The following FAT3 variants were observed in gnomAD, a reference collection of about 807,000 sequenced individuals.
The protein encoded by FAT3 is FAT atypical cadherin 3.
A neutral mutation model predicts 310.2 loss-of-function variants in FAT3; 95 were observed. The ratio of observed to expected loss-of-function variants is 0.31; its 90% CI spans 0.26 to 0.36. The LOEUF is 0.36. Ranked by LOEUF, FAT3 falls within the 10% of genes least tolerant of loss-of-function variation. The pLI is 1.00. For synonymous variants in FAT3, 2,314 were observed against 2,192.9 expected (o/e 1.06, Z -1.54); for missense variants, 5,408 against 5,715.6 (o/e 0.95, Z 1.74).
intron 3 of FAT3, among the ~76,000 whole-genome samples, chr11:92,618,623 C>A (rs1171179365): frequency 6.6e-6 from 1 of 152,142 alleles, no homozygotes; most frequent in Non-Finnish European, 1.5e-5. Context: ...TCTGGAATGG[C>A]TCTTTAAATT....
chr11:92,871,596 T>C (rs1949394462), intron 22 of FAT3, among the ~76,000 whole-genome samples: 1 of 152,246 alleles, frequency 6.6e-6, no homozygotes, highest in African/African-American at 2.4e-5. Context: ...CACCTTGTTA[T>C]AGAAGACCCA....
At chr11:92,274,236 G>C (rs1010600815) in intron 1 of FAT3, among the ~76,000 whole-genome samples, 8 of 152,030 alleles carry the variant, frequency 5.3e-5, no homozygotes, top group African/African-American at 1.7e-4. Context: ...TAGAGAATTG[G>C]TTGAGCATAA....
intron 2 of FAT3, among the ~76,000 whole-genome samples, chr11:92,469,709 G>A (rs1209351448): frequency 6.6e-6 from 1 of 151,892 alleles, no homozygotes. Flanking sequence ...TAGAGATGGG[G>A]TTTCATCATG....
chr11:92,481,325 T>TAG (rs5793601), intron 2 of FAT3, among the ~76,000 whole-genome samples: 80,714 of 151,344 alleles, frequency 0.53, 21,907 homozygotes, highest in East Asian at 0.69. Flanking sequence ...ATTGGGATGC[T>TAG]AGTGATATTT....
intron 4 of FAT3, among the ~76,000 whole-genome samples, chr11:92,746,291 T>G (rs1393597416): frequency 2.0e-5 from 3 of 152,046 alleles, no homozygotes; most frequent in Non-Finnish European, 4.4e-5. Context: ...GGAAGGCAAA[T>G]GAGGAGCAAA....
intron 3 of FAT3, among the ~76,000 whole-genome samples, chr11:92,563,198 T>C (rs938911482): frequency 4.6e-5 from 7 of 152,188 alleles, no homozygotes; most frequent in Non-Finnish European, 1.0e-4. Context: ...TATTTTCTAA[T>C]TGGCTTCTGG....
Position 92,755,181 on chromosome 11 carries a change from A to G in FAT3, c.3670-6675A>G, listed in dbSNP as rs540602801. ...TGATTATACTAATGGTAATAACAAT[A>G]TATTGTATACTTTAAAATTGCTAAG... On this transcript the variant is annotated intron_variant, in intron 4 of 27. Coordinates refer to ENST00000525166, the MANE Select transcript of FAT3 (RefSeq NM_001367949.2). Among the ~76,000 whole-genome samples the G allele has an allele frequency of 3.9e-5, 6 of 152,158 alleles. 1 individual carries two copies. Among genetic ancestry groups the G allele is most frequent in the Middle Eastern group, 6.8e-3 (2 of 294 alleles).
rs143092454 is a variant in FAT3 at position 92,740,779 on chromosome 11, T to C, written c.3670-21077T>C. Among the ~76,000 whole-genome samples, 1,468 of 152,326 alleles carry C rather than the reference T, an allele frequency of 9.6e-3. 22 individuals carry two copies. Among genetic ancestry groups the C allele is most frequent in the African/African-American group, 0.034 (1,412 of 41,576 alleles). ...AATGAAAGAGATATTAGAACACTCA[T>C]GTGATTTTATTTAAACACTCTTTAC... On this transcript the variant is annotated intron_variant, in intron 4 of 27. Coordinates refer to ENST00000525166, the MANE Select transcript of FAT3 (RefSeq NM_001367949.2).
intron 2 of FAT3, among the ~76,000 whole-genome samples, chr11:92,461,393 C>G (rs1197250535): frequency 6.6e-6 from 1 of 152,116 alleles, no homozygotes; most frequent in African/African-American, 2.4e-5. Context: ...AGATTAAACA[C>G]ATTTATAAAT....
At chr11:92,375,023 A>T (rs958649608) in intron 2 of FAT3, among the ~76,000 whole-genome samples, 1 of 152,118 alleles carries the variant, frequency 6.6e-6, no homozygotes, top group Non-Finnish European at 1.5e-5. Flanking sequence ...TAGTATGCTG[A>T]CCTGTTTAAT....
chr11:92,397,793 G>T (rs1231107432), intron 2 of FAT3, among the ~76,000 whole-genome samples: 14 of 151,362 alleles, frequency 9.2e-5, no homozygotes, highest in Non-Finnish European at 1.5e-4. Flanking sequence ...GTCTTAAGGG[G>T]ATTGCCCAGA....
chr11:92,867,902 G>A (rs1370201343), intron 22 of FAT3, among the ~76,000 whole-genome samples: 1 of 74,494 alleles, frequency 1.3e-5, no homozygotes, highest in East Asian at 2.9e-4. Flanking sequence ...AAAGAGGAGA[G>A]TAGGCATTAA....
At chr11:92,519,759 A>G (rs1241481517) in intron 2 of FAT3, among the ~76,000 whole-genome samples, 5 of 152,110 alleles carry the variant, frequency 3.3e-5, no homozygotes, top group Admixed American at 3.3e-4. Flanking sequence ...TCAGGTGAAA[A>G]ATAAGCACTT....
At chr11:92,424,744 T>G (rs1432148023) in intron 2 of FAT3, among the ~76,000 whole-genome samples, 1 of 152,188 alleles carries the variant, frequency 6.6e-6, no homozygotes, top group Admixed American at 6.6e-5. Context: ...CAACCTGATG[T>G]TCACCTCCTT....
At chr11:92,303,753 G>C (rs1947055471) in intron 1 of FAT3, among the ~76,000 whole-genome samples, 1 of 152,110 alleles carries the variant, frequency 6.6e-6, no homozygotes, top group South Asian at 2.1e-4. Flanking sequence ...TGGCTAGTCA[G>C]AGGAACAATG....
chr11:92,441,506 G>A (rs183243853), intron 2 of FAT3, among the ~76,000 whole-genome samples: 11 of 152,294 alleles, frequency 7.2e-5, no homozygotes, highest in Non-Finnish European at 4.4e-5. Context: ...CCCGCAGATC[G>A]GGAGGGGTGA....
At chr11:92,284,073 A>G (rs1397845217) in intron 1 of FAT3, among the ~76,000 whole-genome samples, 1 of 152,130 alleles carries the variant, frequency 6.6e-6, no homozygotes, top group African/African-American at 2.4e-5. Flanking sequence ...AGAACCAAGC[A>G]CAGCATAGGA....
chr11:92,826,710 T>C (rs1948114949), intron 13 of FAT3, among the ~76,000 whole-genome samples: 1 of 152,252 alleles, frequency 6.6e-6, no homozygotes, highest in South Asian at 2.1e-4. Flanking sequence ...CCCAAGATAC[T>C]TGCTCCTTTG....
chr11:92,319,971 C>T (rs923496483), intron 1 of FAT3, among the ~76,000 whole-genome samples: 8 of 152,156 alleles, frequency 5.3e-5, no homozygotes, highest in African/African-American at 1.7e-4. Context: ...GCAAGTTTTT[C>T]TTATGCATGC....
Sources: gnomAD v4.1 joint callset for allele counts (sites outside exome capture counted in the v4.1 genomes callset) on GRCh38, gnomAD v4.1.1 for gene constraint, MANE v1.5 for transcripts, NCBI Gene and HGNC (gene_info 2026-07-23, HGNC 2026-07-21) for gene names.